DAB1: variants seen among roughly 807,000 people sequenced by gnomAD.
DAB1 encodes the protein disabled homolog 1.
DAB1 carries 15 observed loss-of-function variants against 64.6 expected under a neutral mutation model. The ratio of observed to expected loss-of-function variants is 0.23; its 90% CI spans 0.16 to 0.36. The LOEUF is 0.36. DAB1 is among the 10% of genes least tolerant of loss of function. The probability of loss-of-function intolerance (pLI) is 1.00; values close to 1 mark genes in which losing one functional copy is unlikely to be tolerated. For missense variants in DAB1, 596 were observed against 706.7 expected, an observed-to-expected ratio of 0.84 and a Z score of 1.78; for synonymous variants, 235 against 251.9, an observed-to-expected ratio of 0.93 and a Z score of 0.64.
chr1:58,419,759 G>C (rs572058888), intron 3 of DAB1, among the ~76,000 whole-genome samples: 2 of 152,300 alleles, frequency 1.3e-5, no homozygotes, highest in African/African-American at 4.8e-5. Context: ...GTGCTGTCTT[G>C]TATCCACTGT....
intron 9 of DAB1, among the ~76,000 whole-genome samples, chr1:57,031,216 T>C (rs775013766): frequency 4.6e-5 from 7 of 152,278 alleles, no homozygotes; most frequent in Non-Finnish European, 1.0e-4. Context: ...TTAAATTTTA[T>C]AGAAAAAGGG....
intron 6 of DAB1, among the ~76,000 whole-genome samples, chr1:57,672,521 CA>C (rs748737603): frequency 3.3e-5 from 5 of 152,122 alleles, no homozygotes; most frequent in Non-Finnish European, 5.9e-5. Context: ...AGCACTTTCA[CA>C]AGGCTGTCAC....
At chr1:58,106,014 T>A (rs1445006700) in intron 5 of DAB1, among the ~76,000 whole-genome samples, 1 of 152,228 alleles carries the variant, frequency 6.6e-6, no homozygotes, top group African/African-American at 2.4e-5. Context: ...AAAGAACATA[T>A]CTTTGCAAAG....
intron 1 of DAB1, among the ~76,000 whole-genome samples, chr1:57,357,545 T>C (rs1218293735): frequency 6.7e-6 from 1 of 148,536 alleles, no homozygotes. Context: ...TTGGTAGCTA[T>C]TGTAAATGGG....
At position 57,015,143 on chromosome 1, in the gene DAB1, T is replaced by A; in HGVS notation, c.1184A>T (p.Asp395Val). ...GGTCTGTGGACTTGACCTGGTGGAGTCACTCGTGCCTGGGACGGTGGCAAG... is the reference window on the plus strand; with the variant it reads ...GGTCTGTGGACTTGACCTGGTGGAGACACTCGTGCCTGGGACGGTGGCAAG... The part of the protein sequence containing the change: ...TPLATVPGTS[D>V]STRSSPQTDK... The change falls in exon 12 of 15, where the codon GAC becomes GTC. Residue 395 changes from aspartate (D) to valine (V), a missense_variant. By Grantham distance (152) the Asp-to-Val change is radical. Coordinates refer to ENST00000371236, the MANE Select transcript of DAB1 (RefSeq NM_001365792.1). The A allele has an allele frequency of 6.2e-7, 1 of 1,614,032 alleles. No homozygotes were observed. Among genetic ancestry groups the A allele is most frequent in the East Asian group, 2.2e-5 (1 of 44,854 alleles).
intron 4 of DAB1, among the ~76,000 whole-genome samples, chr1:58,277,229 G>A (rs1045505934): frequency 1.3e-5 from 2 of 151,570 alleles, no homozygotes; most frequent in Non-Finnish European, 2.9e-5. Context: ...TAATAGAGAC[G>A]GGGTTTCACC....
chr1:58,459,880 C>T lies in DAB1; in HGVS notation n.257+46180G>A, dbSNP rs549595487. The stretch of plus-strand genomic sequence containing the variant: ...GTAATCCCAGCTACTCAGGAGACTG[C>T]GGCATGAGGATCACTTGAATGCAGG... On this transcript the variant is annotated intron_variant and non_coding_transcript_variant, in intron 3 of 20. Coordinates refer to the DAB1 transcript ENST00000485760. 1.5e-3 allele frequency among the ~76,000 whole-genome samples: 221 copies of T among 152,180 alleles called. 2 individuals are homozygous for T. The highest frequency in any genetic ancestry group is 6.8e-3 in the Middle Eastern group (2 of 294).
intron 1 of DAB1, among the ~76,000 whole-genome samples, chr1:57,364,891 G>A (rs544824086): frequency 6.7e-6 from 1 of 148,764 alleles, no homozygotes; most frequent in African/African-American, 2.4e-5. Context: ...AGACCTTAAG[G>A]AAATAACACA....
At chr1:58,236,373 C>G (rs1463740268) in intron 4 of DAB1, among the ~76,000 whole-genome samples, 2 of 152,026 alleles carry the variant, frequency 1.3e-5, no homozygotes, top group Non-Finnish European at 2.9e-5. Context: ...ACATTATGCA[C>G]TCAGTCAGGC....
Position 57,391,810 on chromosome 1 carries a change from C to G in DAB1, c.-137+32120G>C, listed in dbSNP as rs866746761. 4.5e-3 allele frequency among the ~76,000 whole-genome samples: 625 copies of G among 137,686 alleles called. 2 individuals are homozygous for G. The highest frequency in any genetic ancestry group is 0.015 in the African/African-American group (526 of 34,070). The allele number at this position is 137,686 out of a possible 152,430, so 90.3% of individuals were successfully genotyped here. A position where few individuals can be genotyped will look rare whatever the true frequency, so the allele number is the denominator to read the frequency against. On this transcript the variant is annotated intron_variant, in intron 1 of 14. Coordinates refer to ENST00000371236, the MANE Select transcript of DAB1 (RefSeq NM_001365792.1). ...ACACACACACACACACACACACACA[C>G]ACAGAGAGAGGAGAGAGAGAGAAGA...
intron 7 of DAB1, among the ~76,000 whole-genome samples, chr1:57,489,028 C>T (rs912207641): frequency 6.6e-6 from 1 of 152,196 alleles, no homozygotes; most frequent in Non-Finnish European, 1.5e-5. Context: ...ACATGCTAAT[C>T]CCAGCTCTCC....
Position 58,114,064 on chromosome 1 carries a change from G to A in DAB1, n.387+36447C>T, listed in dbSNP as rs2245920. Among the ~76,000 whole-genome samples the A allele has an allele frequency of 4.0e-5, 6 of 148,852 alleles. No individual in the cohort carries two copies. The South Asian group carries it at 1.3e-3, about 33-fold the overall frequency. On this transcript the variant is annotated intron_variant and non_coding_transcript_variant, in intron 5 of 20. Transcript: ENST00000485760. ...GAGTTCGAGACCAGCCTGGCCAACA[G>A]AGTGAAACCCCGTAATTACTAAAAT...
At chr1:58,009,430 T>G (rs750944256) in intron 5 of DAB1, among the ~76,000 whole-genome samples, 2 of 152,214 alleles carry the variant, frequency 1.3e-5, no homozygotes, top group Non-Finnish European at 2.9e-5. Flanking sequence ...GGGGGCACTG[T>G]GTAAGGTATA....
chr1:57,295,631 G>A (rs1208351764), intron 1 of DAB1, among the ~76,000 whole-genome samples: 2 of 152,096 alleles, frequency 1.3e-5, no homozygotes, highest in African/African-American at 4.8e-5. Flanking sequence ...TCAATCTATA[G>A]CATGCTACCT....
At chr1:57,688,877 A>T (rs1570739417) in intron 6 of DAB1, among the ~76,000 whole-genome samples, 1 of 152,120 alleles carries the variant, frequency 6.6e-6, no homozygotes, top group Non-Finnish European at 1.5e-5. Context: ...GTAGTAGTGG[A>T]CATAAAGATG....
chr1:58,226,921 T>C (rs889072908), intron 4 of DAB1, among the ~76,000 whole-genome samples: 5 of 152,178 alleles, frequency 3.3e-5, no homozygotes, highest in Non-Finnish European at 2.9e-5. Flanking sequence ...CCAGTGTTTA[T>C]TGAGAATATT....
At chr1:58,497,509 C>T (rs1452243101) in intron 3 of DAB1, among the ~76,000 whole-genome samples, 1 of 152,110 alleles carries the variant, frequency 6.6e-6, no homozygotes, top group African/African-American at 2.4e-5. Flanking sequence ...AAATAAGACT[C>T]CAGGAGACCA....
intron 7 of DAB1, among the ~76,000 whole-genome samples, chr1:57,551,143 T>C (rs542464481): frequency 1.3e-5 from 2 of 152,168 alleles, no homozygotes; most frequent in Admixed American, 6.5e-5. Flanking sequence ...GTCTTGACAA[T>C]AGCACGTTCG....
chr1:57,207,736 G>A (rs1266483271), intron 2 of DAB1, among the ~76,000 whole-genome samples: 8 of 152,208 alleles, frequency 5.3e-5, no homozygotes, highest in African/African-American at 1.4e-4. Context: ...GAGCCACCGC[G>A]CCCGGCACCT....
Sources: allele counts gnomAD v4.1 joint callset (sites outside exome capture counted in the v4.1 genomes callset), GRCh38; gene constraint gnomAD v4.1.1; transcripts MANE v1.5; gene names NCBI Gene and HGNC (gene_info 2026-07-23, HGNC 2026-07-21).